EYA2: variants seen among roughly 807,000 people sequenced by gnomAD.
The protein encoded by EYA2 is protein phosphatase EYA2.
In EYA2, 31 loss-of-function variants were observed where a neutral mutation model predicts 69.2. The ratio of observed to expected loss-of-function variants is 0.45; its 90% CI spans 0.34 to 0.60. The LOEUF (loss-of-function observed/expected upper bound fraction) is 0.60, where lower values mean the gene tolerates loss of function less well. Among genes scored for constraint, EYA2 ranks in the 20% least tolerant of loss-of-function variants. The pLI is 0.02. For synonymous variants in EYA2, 257 were observed against 279.4 expected (o/e 0.92, Z 0.80); for missense variants, 622 against 701.2 (o/e 0.89, Z 1.28).
At chr20:46,917,507 A>T (rs1182877378) in intron 1 of EYA2, among the ~76,000 whole-genome samples, 1 of 152,240 alleles carries the variant, frequency 6.6e-6, no homozygotes, top group African/African-American at 2.4e-5. Flanking sequence ...CCACTGGCCC[A>T]TTGCAAAATG....
chr20:47,015,824 C>G (rs3827062), intron 4 of EYA2, among the ~76,000 whole-genome samples: 125,401 of 152,170 alleles, frequency 0.82, 52,321 homozygotes, highest in Non-Finnish European at 0.9. Context: ...TGGAATCTAT[C>G]ATGACCTGGG....
chr20:47,030,757 C>T (rs1025317947), intron 5 of EYA2, among the ~76,000 whole-genome samples: 10 of 152,140 alleles, frequency 6.6e-5, no homozygotes, highest in African/African-American at 1.9e-4. Flanking sequence ...GAGAAATCTC[C>T]GGTGTCTCCT....
chr20:46,933,901 A>G (rs918017271), intron 1 of EYA2, among the ~76,000 whole-genome samples: 1 of 152,250 alleles, frequency 6.6e-6, no homozygotes, highest in Non-Finnish European at 1.5e-5. Context: ...ATGCTCAATT[A>G]AAAAGTGTTG....
intron 5 of EYA2, among the ~76,000 whole-genome samples, chr20:47,052,406 C>T (rs889469852): frequency 2.6e-5 from 4 of 152,094 alleles, no homozygotes; most frequent in African/African-American, 7.2e-5. Context: ...ATCAGCATCA[C>T]GAGGGGCGTG....
chr20:47,136,954 C>T (rs2033491441), intron 9 of EYA2, among the ~76,000 whole-genome samples: 1 of 152,040 alleles, frequency 6.6e-6, no homozygotes, highest in African/African-American at 2.4e-5. Flanking sequence ...AAATCTACAG[C>T]GTCTTTGTCT....
rs546868289 is a variant in EYA2 at position 47,124,826 on chromosome 20, C to T, written c.889-18233C>T. 2.6e-5 allele frequency among the ~76,000 whole-genome samples: 4 copies of T among 151,472 alleles called. 1 individual carries two copies. The South Asian group carries it at 8.3e-4, about 32-fold the overall frequency. ...TTTAAATTTATATCCTAGAAAAATACTTTAAAAGCTGCTAGACATGTCCAG... is the reference window on the plus strand; with the variant it reads ...TTTAAATTTATATCCTAGAAAAATATTTTAAAAGCTGCTAGACATGTCCAG... On this transcript the variant is annotated intron_variant, in intron 9 of 15. Coordinates refer to ENST00000327619, the MANE Select transcript of EYA2 (RefSeq NM_005244.5).
At chr20:47,178,912 A>G (rs1440617762) in intron 12 of EYA2, among the ~76,000 whole-genome samples, 2 of 150,940 alleles carry the variant, frequency 1.3e-5, no homozygotes, top group Middle Eastern at 3.2e-3. Flanking sequence ...TTTTCTCCCT[A>G]TGGTGAGCAA....
chr20:47,054,508 G>A (rs1047899197), intron 5 of EYA2, among the ~76,000 whole-genome samples: 1 of 152,128 alleles, frequency 6.6e-6, no homozygotes, highest in Non-Finnish European at 1.5e-5. Flanking sequence ...CATGTGTGGG[G>A]GGCTGCTTGA....
intron 5 of EYA2, among the ~76,000 whole-genome samples, chr20:47,049,860 A>ACCCCCCCCCCC (rs57648069): frequency 7.1e-5 from 9 of 126,252 alleles, no homozygotes; most frequent in Non-Finnish European, 1.2e-4. Context: ...TCTGTGACAG[A>ACCCCCCCCCCC]CCCCCCCCCC....
chr20:47,183,481 C>T (rs1257722309), intron 15 of EYA2, 90 bp downstream of exon 15: 1 of 1,184,242 alleles, frequency 8.4e-7, no homozygotes, highest in Non-Finnish European at 1.2e-6. Context: ...TTCCTCCACT[C>T]CCCGTGGCTG....
In EYA2 at chr20:47,138,292, A is replaced by G. The variant is rs1037071272; in HGVS notation, c.889-4767A>G. ...TTTATCGTGTTTTTTGAACAGAGGT[A>G]CCACCTACATAGCTTAAAACAATCT... On this transcript the variant is annotated intron_variant, in intron 9 of 15. Coordinates refer to ENST00000327619, the MANE Select transcript of EYA2 (RefSeq NM_005244.5). Among the ~76,000 whole-genome samples the G allele has an allele frequency of 2.6e-5, 4 of 152,160 alleles. 1 individual carries two copies. Among genetic ancestry groups the G allele is most frequent in the Non-Finnish European group, 5.9e-5 (4 of 68,042 alleles).
chr20:46,958,023 C>T (rs940614248), intron 1 of EYA2, among the ~76,000 whole-genome samples: 1 of 152,210 alleles, frequency 6.6e-6, no homozygotes, highest in African/African-American at 2.4e-5. Flanking sequence ...CTGGCCTCTT[C>T]CCAATCCCTC....
In EYA2 at chr20:47,172,786, G is replaced by A. The variant is rs141736662; in HGVS notation, c.1117G>A (p.Gly373Ser). 162 of 1,614,154 alleles carry A rather than the reference G, an allele frequency of 1.0e-4. 6 individuals are homozygous for A. In the South Asian group the frequency reaches 1.3e-3, roughly 13 times the overall value. ...GTGCCTGGGCTCTGGCGTGCACGGC[G>A]GCGTGGACTGGATGAGGAAGCTGGC... Reference protein sequence around the residue: ...NLCLGSGVHGGVDWMRKLAFR... With the variant: ...NLCLGSGVHGSVDWMRKLAFR... The change falls in exon 12 of 16, where the codon GGC becomes AGC. Residue 373 changes from glycine to serine, a missense_variant. Physicochemically the swap from Gly to Ser is moderately conservative, Grantham distance 56. This residue lies in a region of EYA2 where 257 missense variants were observed against 351.5 expected (regional missense o/e 0.73). Coordinates refer to ENST00000327619, the MANE Select transcript of EYA2 (RefSeq NM_005244.5).
chr20:47,069,492 A>T (rs567205207), intron 5 of EYA2, among the ~76,000 whole-genome samples: 36 of 152,170 alleles, frequency 2.4e-4, no homozygotes, highest in African/African-American at 7.9e-4. Flanking sequence ...TCTGTTTTTT[A>T]AAAAAAATCA....
intron 1 of EYA2, among the ~76,000 whole-genome samples, chr20:46,981,723 T>C (rs1980844737): frequency 6.6e-6 from 1 of 152,220 alleles, no homozygotes; most frequent in Non-Finnish European, 1.5e-5. Flanking sequence ...TAATGGTTTT[T>C]ATTTTAAAAT....
At chr20:46,943,760 C>T (rs549586538) in intron 1 of EYA2, among the ~76,000 whole-genome samples, 43 of 152,304 alleles carry the variant, frequency 2.8e-4, no homozygotes, top group Non-Finnish European at 4.4e-5. Flanking sequence ...TTGCTCATCT[C>T]CAAAGCTGTA....
intron 9 of EYA2, among the ~76,000 whole-genome samples, chr20:47,121,646 T>C (rs1408533078): frequency 6.6e-6 from 1 of 152,160 alleles, no homozygotes; most frequent in African/African-American, 2.4e-5. Flanking sequence ...AGATCCTGTC[T>C]CTACAATTAA....
intron 1 of EYA2, among the ~76,000 whole-genome samples, chr20:46,919,214 T>G (rs1985068836): frequency 6.6e-6 from 1 of 152,234 alleles, no homozygotes; most frequent in Admixed American, 6.5e-5. Context: ...AACTTAAAGT[T>G]ATCAGCTGCA....
intron 15 of EYA2, among the ~76,000 whole-genome samples, chr20:47,184,146 C>T (rs941601309): frequency 4.6e-5 from 7 of 152,190 alleles, no homozygotes; most frequent in African/African-American, 1.7e-4. Flanking sequence ...ACCTGGAAGG[C>T]TCCTCCCCTT....
Sources: gnomAD v4.1 joint callset for allele counts (sites outside exome capture counted in the v4.1 genomes callset) on GRCh38, gnomAD v4.1.1 for gene constraint, gnomAD v4.1.1 regional missense constraint, MANE v1.5 for transcripts, NCBI Gene and HGNC (gene_info 2026-07-23, HGNC 2026-07-21) for gene names.